ASPHD1: variants seen among roughly 807,000 people sequenced by gnomAD.
ASPHD1 encodes aspartate beta-hydroxylase domain-containing protein 1.
In ASPHD1, 20 loss-of-function variants were observed where a neutral mutation model predicts 28.3. That is an observed-to-expected ratio of 0.71 (90% CI 0.50 to 1.03). The LOEUF (loss-of-function observed/expected upper bound fraction) is 1.03. Among genes scored for constraint, ASPHD1 ranks in the 50% least tolerant of loss-of-function variants. The pLI is 0.00. For synonymous variants in ASPHD1, 240 were observed against 221.2 expected, an observed-to-expected ratio of 1.08 and a Z score of -0.75; for missense variants, 479 against 524.1, an observed-to-expected ratio of 0.91 and a Z score of 0.84.
At chr16:29,910,920 C>T, downstream of ASPHD1, 1 of 1,516,170 alleles carries the variant, frequency 6.6e-7, no homozygotes, top group East Asian at 2.3e-5. Context: ...TGCTTTTGTC[C>T]AGGGTCCTGG....
chr16:29,911,175 T>C, intron 3 of ASPHD1: 2 of 1,613,658 alleles, frequency 1.2e-6, no homozygotes, highest in Non-Finnish European at 1.7e-6. Context: ...TCTGAAGTGC[T>C]GGGGACCAGG....
Position 29,901,492 on chromosome 16 carries a change from G to C in ASPHD1, c.521G>C (p.Gly174Ala), listed in dbSNP as rs2068547280. ...AGGCGGGCAGCTCAGGGTGGCCCAG[G>C]CCCTGGGAGAGGGCCAGGGGTCCTA... ...RVRRAAQGGP[G>A]PGRGPGVLGI... The change falls in exon 1 of 3, where the codon GGC (glycine) becomes GCC (alanine). Residue 174 changes from glycine (G) to alanine (A), a missense_variant. Coordinates refer to ENST00000308748, the MANE Select transcript of ASPHD1 (RefSeq NM_181718.4). This position sits in a 1 kb window ranked among gnomAD's most constrained non-coding sequence, Gnocchi z 5.1. 1.3e-6 allele frequency: 2 copies of C among 1,596,326 alleles called. No individual in the cohort carries two copies. Among genetic ancestry groups the C allele is most frequent in the African/African-American group, 1.3e-5 (1 of 74,532 alleles).
intron 3 of ASPHD1, chr16:29,912,390 AG>A: frequency 2.5e-6 from 1 of 402,178 alleles, no homozygotes; most frequent in Non-Finnish European, 4.4e-6. Flanking sequence ...AGCCCTCCCC[AG>A]CCCCCCTGGC....
rs551194656 is a variant in ASPHD1, at chr16:29,901,293, G to A, written c.322G>A (p.Ala108Thr). 1.9e-6 allele frequency: 3 copies of A among 1,612,332 alleles called. No homozygotes were observed. In the East Asian group the frequency reaches 6.7e-5, roughly 36 times the overall value. The stretch of plus-strand genomic sequence containing the variant: ...CTCCCAAGACATGCAGGCCCTAGGG[G>A]CTGGGAGCCGAGCTGGGGGTGTTCG... ...LGSQDMQALG[A>T]GSRAGGVRGG... The change falls in exon 1 of 3, where the codon GCT becomes ACT. Residue 108 changes from alanine (A) to threonine (T), a missense_variant. Ala to Thr is a moderately conservative substitution (Grantham distance 58). Coordinates refer to ENST00000308748, the MANE Select transcript of ASPHD1 (RefSeq NM_181718.4). The surrounding 1 kb of genome is among the most constrained non-coding windows in gnomAD (Gnocchi z 5.1).
chr16:29,906,781 C>T, downstream of ASPHD1: 2 of 1,169,754 alleles, frequency 1.7e-6, no homozygotes, highest in Admixed American at 2.0e-5. Context: ...ACGACTTGGC[C>T]AGCAGAGCCG....
At chr16:29,911,909 G>T in intron 3 of ASPHD1, 1 of 1,609,848 alleles carries the variant, frequency 6.2e-7, no homozygotes. Context: ...TGAGGCTGCA[G>T]GGAGAGGCCC....
chr16:29,906,026 A>C lies in ASPHD1; in HGVS notation c.*129A>C, dbSNP rs1245219761. The C allele has an allele frequency of 1.5e-5, 9 of 597,976 alleles. No homozygotes were observed. Among genetic ancestry groups the C allele is most frequent in the Non-Finnish European group, 2.3e-5 (8 of 350,180 alleles). 37.0% of individuals were successfully genotyped at this position (597,976 alleles called of 1,614,324 possible). On this transcript the variant is annotated 3_prime_UTR_variant, in exon 3 of 3. Transcript: ENST00000308748. ...GGAGGATGGGAACTGGCTAGTGAGC[A>C]CTGAAATATAAATTCTGAATCCTCT...
At chr16:29,915,059 C>A (rs981015010) in intron 3 of ASPHD1, 5 of 151,924 alleles carry the variant, frequency 3.3e-5, no homozygotes, top group Non-Finnish European at 5.9e-5. Context: ...ATTCTGTAAT[C>A]CAGTTGGAGA....
chr16:29,908,683 CTTTT>C (rs576706189), downstream of ASPHD1, among the ~76,000 whole-genome samples: 1 of 136,194 alleles, frequency 7.3e-6, no homozygotes, highest in Non-Finnish European at 1.6e-5. Context: ...CATGCCCGGC[CTTTT>C]TTTTTTTTTT....
chr16:29,909,673 CCTTT>C (rs201848109), downstream of ASPHD1, among the ~76,000 whole-genome samples: 1,307 of 151,502 alleles, frequency 8.6e-3, 6 homozygotes, highest in Non-Finnish European at 0.014. Context: ...TGGCAATGGG[CCTTT>C]CTGAGTTTCC....
intron 3 of ASPHD1, chr16:29,915,349 C>T (rs2068790860): frequency 6.6e-6 from 1 of 152,234 alleles, no homozygotes; most frequent in Non-Finnish European, 1.5e-5. Flanking sequence ...AAAAAAGCCA[C>T]ACCTAGAAAT....
At chr16:29,905,692 C>CT (rs1317874870) in intron 2 of ASPHD1, 96 bp from the exon 3 acceptor site, 1 of 652,802 alleles carries the variant, frequency 1.5e-6, no homozygotes, top group Non-Finnish European at 2.7e-6. Context: ...AGGCCTGCCA[C>CT]TTATTTACTG....
chr16:29,916,262 TA>T (rs1011689550), intron 3 of ASPHD1, among the ~76,000 whole-genome samples: 9 of 152,316 alleles, frequency 5.9e-5, no homozygotes, highest in African/African-American at 1.9e-4. Context: ...TTTTTTCTTT[TA>T]ATTTTTTTAG....
rs557388108 is a variant in ASPHD1 at position 29,918,925 on chromosome 16, TGG to T, written c.*63-604_*63-603del. On this transcript the variant is annotated intron_variant and NMD_transcript_variant, in intron 3 of 3. Coordinates refer to the ASPHD1 transcript ENST00000414952. ...CACCTGCCTCAGCCTCCCAAAGTGCTGGGATTACAGGCATGAGCCACCGCACC... is the reference window on the plus strand; with the variant it reads ...CACCTGCCTCAGCCTCCCAAAGTGCTGATTACAGGCATGAGCCACCGCACC... Among the ~76,000 whole-genome samples, 360 of 152,316 alleles carry T rather than the reference TGG, an allele frequency of 2.4e-3. 1 individual carries two copies. The highest frequency in any genetic ancestry group is 8.4e-3 in the African/African-American group (348 of 41,564).
chr16:29,914,917 G>A (rs1476691781), intron 3 of ASPHD1: 1 of 152,114 alleles, frequency 6.6e-6, no homozygotes, highest in Non-Finnish European at 1.5e-5. Context: ...CAAGGTGGGA[G>A]GATTACTTGA....
chr16:29,911,980 G>A, intron 3 of ASPHD1: 1 of 1,611,686 alleles, frequency 6.2e-7, no homozygotes, highest in Non-Finnish European at 8.5e-7. Flanking sequence ...CTGGCCAGGA[G>A]CTGCTGCTCC....
Position 29,901,532 on chromosome 16 carries a change from A to C in ASPHD1, c.561A>C (p.Pro187=). The change falls in exon 1 of 3, where the codon CCA becomes CCC. Residue 187 remains proline (P), a synonymous_variant. Transcript: ENST00000308748. The surrounding 1 kb of genome is among the most constrained non-coding windows in gnomAD (Gnocchi z 5.1). ...CAGGGGTCCTAGGTATTCAGCGCCC[A>C]GGCCTGCTTTTCCTACCAGACCTGC... ...RGPGVLGIQR[P]GLLFLPDLPS... The C allele has an allele frequency of 6.4e-7, 1 of 1,573,752 alleles. No homozygotes were observed. The highest frequency in any genetic ancestry group is 1.1e-5 in the South Asian group (1 of 87,534).
chr16:29,912,397 CT>C (rs1597016504), intron 3 of ASPHD1: 8 of 392,128 alleles, frequency 2.0e-5, no homozygotes, highest in Middle Eastern at 1.4e-3. Flanking sequence ...CCCAGCCCCC[CT>C]GGCTAAAACA....
chr16:29,905,678 A>G, intron 2 of ASPHD1, 110 bp from the exon 3 acceptor site: 1 of 649,396 alleles, frequency 1.5e-6, no homozygotes, highest in South Asian at 2.0e-5. Flanking sequence ...AAAGGGTTAG[A>G]ACAAGGCCTG....
Sources: gnomAD v4.1 joint callset for allele counts (sites outside exome capture counted in the v4.1 genomes callset) on GRCh38, gnomAD v4.1.1 for gene constraint, Gnocchi (gnomAD v3.1) non-coding constraint, MANE v1.5 for transcripts, NCBI Gene and HGNC (gene_info 2026-07-23, HGNC 2026-07-21) for gene names.